The following HGF variants were observed in gnomAD, a reference collection of about 807,000 sequenced individuals.
HGF encodes the protein hepatocyte growth factor.
In HGF, 39 loss-of-function variants were observed where a neutral mutation model predicts 111.6. The observed-to-expected ratio is 0.35, with a 90% CI of 0.27 to 0.46. HGF has a LOEUF of 0.46. Ranked by LOEUF, HGF falls within the 20% of genes least tolerant of loss-of-function variation. The pLI, the probability that HGF is intolerant of heterozygous loss-of-function variation, is 1.00. For synonymous variants in HGF, 285 were observed against 294.8 expected, an observed-to-expected ratio of 0.97 and a Z score of 0.34; for missense variants, 735 against 910.5, an observed-to-expected ratio of 0.81 and a Z score of 2.48.
intron 1 of HGF, among the ~76,000 whole-genome samples, chr7:81,768,383 T>C (rs1482952946): frequency 6.6e-6 from 1 of 151,940 alleles, no homozygotes; most frequent in Non-Finnish European, 1.5e-5. Context: ...GAAGCATTTT[T>C]TTCTTCTTCT....
At chr7:81,720,902 A>G in intron 9 of HGF, 55 bp from the exon 10 acceptor site, 1 of 960,930 alleles carries the variant, frequency 1.0e-6, no homozygotes, top group Non-Finnish European at 1.7e-6. Flanking sequence ...AGATAAAACA[A>G]AAAGGTTTTT....
intron 13 of HGF, among the ~76,000 whole-genome samples, chr7:81,708,070 T>C (rs1346818818): frequency 6.6e-6 from 1 of 152,082 alleles, no homozygotes; most frequent in African/African-American, 2.4e-5. Context: ...GGCAGAGACA[T>C]GGAAAAAGCA....
chr7:81,761,026 G>T, intron 2 of HGF, among the ~76,000 whole-genome samples: 1 of 152,108 alleles, frequency 6.6e-6, no homozygotes, highest in Non-Finnish European at 1.5e-5. Context: ...CTTACTTGTG[G>T]GTCCAAGAGA....
intron 7 of HGF, among the ~76,000 whole-genome samples, chr7:81,741,938 CAAAAAA>C (rs71520767): frequency 6.9e-4 from 32 of 46,336 alleles, no homozygotes; most frequent in Non-Finnish European, 1.0e-3. Flanking sequence ...AACTCCATCT[CAAAAAA>C]AAAAAAAAAA....
At position 81,706,432 on chromosome 7, in the gene HGF, T is replaced by C; in HGVS notation, c.1617-5A>G. ...GCTTCATAATCTTTCAAGTCTCTGT[T>C]TTGAAGGAAAAAAATTTAAATGTAA... On this transcript the variant is annotated splice_region_variant and splice_polypyrimidine_tract_variant and intron_variant, in intron 14 of 17. Transcript: ENST00000222390. The C allele has an allele frequency of 6.2e-7, 1 of 1,608,398 alleles. No individual in the cohort carries two copies. The highest frequency in any genetic ancestry group is 8.5e-7 in the Non-Finnish European group (1 of 1,175,224).
At chr7:81,756,291 C>T (rs1788766007) in intron 4 of HGF, 3 of 499,236 alleles carry the variant, frequency 6.0e-6, no homozygotes, top group Non-Finnish European at 1.1e-5. Context: ...GTTCTCATTA[C>T]AAGTAAATGA....
chr7:81,762,738 T>C lies in HGF; in HGVS notation c.223A>G (p.Thr75Ala), dbSNP rs1789151391. Residue 75 changes from threonine (T) to alanine (A), a missense_variant, in exon 2 of 18, where the codon ACT becomes GCT. Physicochemically the swap from Thr to Ala is moderately conservative, Grantham distance 58 (BLOSUM62 0). Coordinates refer to ENST00000222390, the MANE Select transcript of HGF (RefSeq NM_000601.6). ...GTGAATGGAAGTCCTTTATTCCTAG[T>C]ACATCTATTAGCACATTGGTCTGCA... ...NTADQCANRCTRNKGLPFTCK... is the reference protein window; with the variant it reads ...NTADQCANRCARNKGLPFTCK... The C allele has an allele frequency of 6.2e-6, 10 of 1,612,910 alleles. No individual in the cohort carries two copies. The highest frequency in any genetic ancestry group is 8.5e-6 in the Non-Finnish European group (10 of 1,179,008).
rs1436990318 is a variant in HGF at position 81,733,066 on chromosome 7, T to C, written c.866-3287A>G. ...ATAAATCTCATCACTTGAGCTATTA[T>C]GCTGAATAGGTTTTTTTCTAAACTT... On this transcript the variant is annotated intron_variant, in intron 7 of 17. Coordinates refer to ENST00000222390, the MANE Select transcript of HGF (RefSeq NM_000601.6). Among the ~76,000 whole-genome samples the C allele has an allele frequency of 5.3e-5, 8 of 152,112 alleles. No homozygotes were observed. The South Asian group carries it at 1.4e-3, about 28-fold the overall frequency.
intron 10 of HGF, among the ~76,000 whole-genome samples, chr7:81,719,420 G>C (rs1180120026): frequency 6.6e-6 from 1 of 152,150 alleles, no homozygotes; most frequent in South Asian, 2.1e-4. Flanking sequence ...TAGAACTCCA[G>C]TGTCAATATA....
At position 81,708,524 on chromosome 7, in the gene HGF, C is replaced by CTTTTTTTTTTTTT. The variant is rs3081099; in HGVS notation, c.1542-1173_1542-1161dup. Among the ~76,000 whole-genome samples, 11 of 72,486 alleles carry CTTTTTTTTTTTTT rather than the reference C, an allele frequency of 1.5e-4. 2 individuals are homozygous for CTTTTTTTTTTTTT. Among genetic ancestry groups the CTTTTTTTTTTTTT allele is most frequent in the Admixed American group, 9.4e-4 (4 of 4,252 alleles). The allele number at this position is 72,486 out of a possible 152,430, so 47.6% of individuals were successfully genotyped here. On this transcript the variant is annotated intron_variant, in intron 13 of 17. Coordinates refer to ENST00000222390, the MANE Select transcript of HGF (RefSeq NM_000601.6). Reference sequence around the variant, plus strand: ...TTGAAAGATTTCTCCTTCCTTCCTTCTTTTTTTTTTTTTTTTTTTTTTTTT... The same window carrying CTTTTTTTTTTTTT: ...TTGAAAGATTTCTCCTTCCTTCCTTCTTTTTTTTTTTTTTTTTTTTTTTTTTTTTTTTTTTTTT...
intron 4 of HGF, among the ~76,000 whole-genome samples, 170 bp from the exon 5 acceptor site, chr7:81,752,432 G>T (rs988502450): frequency 6.6e-6 from 1 of 151,708 alleles, no homozygotes; most frequent in African/African-American, 2.4e-5. Context: ...TCCTTAAAAC[G>T]TTTGAATTTT....
rs773607471 is a variant in HGF, at chr7:81,729,597, T to C, written c.1040+8A>G. The C allele has an allele frequency of 3.7e-6, 6 of 1,606,314 alleles. No individual in the cohort carries two copies. The highest frequency in any genetic ancestry group is 5.1e-6 in the Non-Finnish European group (6 of 1,173,064). Reference sequence around the variant, plus strand: ...CTGAAATGTATAACATTTGCCTACTTTACTCACTTGCACTTGAAATTTTCA... The same window carrying C: ...CTGAAATGTATAACATTTGCCTACTCTACTCACTTGCACTTGAAATTTTCA... On this transcript the variant is annotated splice_region_variant and intron_variant, in intron 8 of 17. Coordinates refer to ENST00000222390, the MANE Select transcript of HGF (RefSeq NM_000601.6).
intron 11 of HGF, among the ~76,000 whole-genome samples, chr7:81,713,002 G>A (rs540249186): frequency 6.6e-6 from 1 of 152,256 alleles, no homozygotes; most frequent in Non-Finnish European, 1.5e-5. Context: ...TATGAGTTAA[G>A]ATTGAGGCGG....
At position 81,700,138 on chromosome 7, in the gene HGF, A is replaced by G. The variant is rs1489043968; in HGVS notation, c.*2443T>C. The G allele has an allele frequency of 6.6e-6, 1 of 151,754 alleles. No homozygotes were observed. The highest frequency in any genetic ancestry group is 2.4e-5 in the African/African-American group (1 of 41,426). The allele number at this position is 151,754 out of a possible 1,614,324, so 9.4% of individuals were successfully genotyped here. ...TCTGATTTAAAAGATCCTTTTGTCA[A>G]TGACACAAAATAAAGTGGATTGTTG... On this transcript the variant is annotated 3_prime_UTR_variant, in exon 18 of 18. Transcript: ENST00000222390.
At chr7:81,766,129 G>A (rs73148754) in intron 1 of HGF, among the ~76,000 whole-genome samples, 1 of 152,140 alleles carries the variant, frequency 6.6e-6, no homozygotes, top group African/African-American at 2.4e-5. Context: ...AGGGTCAAAT[G>A]TATCAAGGTG....
Position 81,770,016 on chromosome 7 carries a change from G to A in HGF, c.-45C>T. The stretch of plus-strand genomic sequence containing the variant: ...GCGGATCCCTCTGGAGGAGATGCCT[G>A]GGTGAAAGAATCCTGTTCGGAGTCA... On this transcript the variant is annotated 5_prime_UTR_variant, in exon 1 of 18. Coordinates refer to ENST00000222390, the MANE Select transcript of HGF (RefSeq NM_000601.6). 1 of 1,414,928 alleles carries A rather than the reference G, an allele frequency of 7.1e-7. No homozygotes were observed. 87.6% of individuals were successfully genotyped at this position (1,414,928 alleles called of 1,614,324 possible).
Position 81,699,031 on chromosome 7 carries a change from A to G in HGF, c.*3550T>C, listed in dbSNP as rs968111789. 1 of 151,336 alleles carries G rather than the reference A, an allele frequency of 6.6e-6. No individual in the cohort carries two copies. The highest frequency in any genetic ancestry group is 2.4e-5 in the African/African-American group (1 of 41,374). The allele number at this position is 151,336 out of a possible 1,614,324, so 9.4% of individuals were successfully genotyped here. ...AGCATTTTGATAAAATATTTTATTAATAATAATAATATAATCATGGTTATA... is the reference window on the plus strand; with the variant it reads ...AGCATTTTGATAAAATATTTTATTAGTAATAATAATATAATCATGGTTATA... On this transcript the variant is annotated 3_prime_UTR_variant, in exon 18 of 18. Coordinates refer to ENST00000222390, the MANE Select transcript of HGF (RefSeq NM_000601.6).
chr7:81,757,383 G>C (rs954153170), intron 3 of HGF, 80 bp from the exon 4 acceptor site: 15 of 751,684 alleles, frequency 2.0e-5, no homozygotes, highest in Non-Finnish European at 3.4e-5. Context: ...GTTCAAACCT[G>C]TAAGTAATTA....
At chr7:81,712,079 A>G (rs1054462761) in intron 11 of HGF, among the ~76,000 whole-genome samples, 5 of 152,088 alleles carry the variant, frequency 3.3e-5, no homozygotes, top group Non-Finnish European at 5.9e-5. Flanking sequence ...GCCCTATTTT[A>G]TGACTGTGGA....
Sources: allele counts gnomAD v4.1 joint callset (sites outside exome capture counted in the v4.1 genomes callset), GRCh38; gene constraint gnomAD v4.1.1; transcripts MANE v1.5; gene names NCBI Gene and HGNC (gene_info 2026-07-23, HGNC 2026-07-21).